The following ZNF334 variants were observed in gnomAD, a reference collection of about 807,000 sequenced individuals.
ZNF334 encodes zinc finger protein 334.
Under a neutral mutation model 12.4 loss-of-function variants are expected in ZNF334, and 14 were observed. The observed-to-expected ratio is 1.13, with a 90% CI of 0.74 to 1.76. The LOEUF (loss-of-function observed/expected upper bound fraction) is 1.76. Among genes scored for constraint, ZNF334 ranks in the 40% most tolerant of loss-of-function variants. The pLI is 0.00. For synonymous variants in ZNF334, 273 were observed against 269.6 expected (o/e 1.01, Z -0.12); for missense variants, 797 against 804.5 (o/e 0.99, Z 0.11).
rs1176032768 is a variant in ZNF334, at chr20:46,500,831, T to G, written c.*465A>C. 1.7e-5 allele frequency: 3 copies of G among 180,478 alleles called. No individual in the cohort carries two copies. In the East Asian group the frequency reaches 4.3e-4, roughly 26 times the overall value. 11.2% of individuals were successfully genotyped at this position (180,478 alleles called of 1,614,324 possible). On this transcript the variant is annotated 3_prime_UTR_variant, in exon 5 of 5. Coordinates refer to ENST00000692313, the MANE Select transcript of ZNF334 (RefSeq NM_001353824.2). ...GGTATACAGTCCACTACTAGAAGAC[T>G]ATGGAGTTAGCAGACAACAAAAAAT...
In ZNF334 at chr20:46,504,670, T is replaced by A. The variant is rs768421358; in HGVS notation, c.92A>T (p.Gln31Leu). Residue 31 changes from glutamine to leucine, a missense_variant, in exon 3 of 5, where the codon CAG becomes CTG. By Grantham distance (113) the Gln-to-Leu change is moderately radical (BLOSUM62 -2). Transcript: ENST00000692313. Reference protein sequence around the residue: ...QEEWQQLDPAQRLLYRDVMLE... With the variant: ...QEEWQQLDPALRLLYRDVMLE... ...CATCACATCCCTGTACAGGAGCCTCTGAGCAGGGTCCAGTTGCTGCCATTC... is the reference window on the plus strand; with the variant it reads ...CATCACATCCCTGTACAGGAGCCTCAGAGCAGGGTCCAGTTGCTGCCATTC... 6.2e-7 allele frequency: 1 copy of A among 1,612,710 alleles called. No individual in the cohort carries two copies.
rs1380649803 is a variant in ZNF334 at position 46,512,721 on chromosome 20, C to T, written c.-220G>A. Reference sequence around the variant, plus strand: ...ACGTAAATGTGGTAGATGACAAAAGCCCTGACCTGGTACTCAAAGGACCAG... The same window carrying T: ...ACGTAAATGTGGTAGATGACAAAAGTCCTGACCTGGTACTCAAAGGACCAG... On this transcript the variant is annotated 5_prime_UTR_variant, in exon 1 of 5. Transcript: ENST00000692313. 6.6e-6 allele frequency: 1 copy of T among 152,222 alleles called. No individual in the cohort carries two copies. The highest frequency in any genetic ancestry group is 1.5e-5 in the Non-Finnish European group (1 of 68,070). The allele number at this position is 152,222 out of a possible 1,614,324, so 9.4% of individuals were successfully genotyped here.
intron 2 of ZNF334, chr20:46,506,468 A>C (rs968533571): frequency 2.5e-6 from 1 of 407,210 alleles, no homozygotes; most frequent in African/African-American, 2.1e-5. Context: ...TCTACAAAAA[A>C]ATAAAAAAAA....
At chr20:46,506,162 G>A (rs2061423362) in intron 2 of ZNF334, 1 of 397,370 alleles carries the variant, frequency 2.5e-6, no homozygotes, top group African/African-American at 2.1e-5. Context: ...CTAGCTGGCA[G>A]TTTGATATAT....
the ZNF334 span, among the ~76,000 whole-genome samples, chr20:46,482,943 T>C: frequency 1.3e-5 from 2 of 152,176 alleles, no homozygotes; most frequent in Admixed American, 1.3e-4. Flanking sequence ...CCATGAAGTC[T>C]CTACATATTC....
At chr20:46,465,668 T>C in the ZNF334 span, among the ~76,000 whole-genome samples, 1 of 152,292 alleles carries the variant, frequency 6.6e-6, no homozygotes, top group East Asian at 1.9e-4. Flanking sequence ...AAGGCTGTAG[T>C]GAGCTATGAT....
At chr20:46,471,878 T>G in the ZNF334 span, among the ~76,000 whole-genome samples, 1 of 152,230 alleles carries the variant, frequency 6.6e-6, no homozygotes. Flanking sequence ...TTAACTTTGT[T>G]CTTCAAGATT....
Position 46,501,348 on chromosome 20 carries a change from G to A in ZNF334, c.1991C>T (p.Thr664Ile). The change falls in exon 5 of 5, where the codon ACA (threonine) becomes ATA (isoleucine). Residue 664 changes from threonine to isoleucine, a missense_variant. Transcript: ENST00000692313. ...KPYECNKCEK[T>I]FRHKSNFLLH... is the part of the protein sequence containing the mutation. ...AAGAAAGTTTGATTTGTGGCGAAAT[G>A]TTTTCTCACATTTGTTACATTCATA... 1 of 1,612,902 alleles carries A rather than the reference G, an allele frequency of 6.2e-7. No homozygotes were observed. The highest frequency in any genetic ancestry group is 8.5e-7 in the Non-Finnish European group (1 of 1,179,132).
chr20:46,472,588 G>A, the ZNF334 span, among the ~76,000 whole-genome samples: 4 of 152,152 alleles, frequency 2.6e-5, no homozygotes, highest in Admixed American at 2.0e-4. Context: ...ACTCTAGGAC[G>A]GCCTAAATAG....
At chr20:46,474,799 C>T in the ZNF334 span, 1 of 152,198 alleles carries the variant, frequency 6.6e-6, no homozygotes, top group Admixed American at 6.5e-5. Context: ...TAATGTATTG[C>T]TCTTTGGGGG....
In ZNF334 at chr20:46,513,160, G is replaced by A. The variant is rs979379987; in HGVS notation, c.-659C>T. 1.3e-5 allele frequency: 2 copies of A among 152,228 alleles called. No homozygotes were observed. The highest frequency in any genetic ancestry group is 4.8e-5 in the African/African-American group (2 of 41,458). The allele number at this position is 152,228 out of a possible 1,614,324, so 9.4% of individuals were successfully genotyped here. ...GAGCTATAATAATCAATGGCTGCAA[G>A]ACTAAGTGCATCAGCAGAAGTTCTG... On this transcript the variant is annotated 5_prime_UTR_variant, in exon 1 of 5. Transcript: ENST00000692313.
the ZNF334 span, among the ~76,000 whole-genome samples, chr20:46,479,435 G>C: frequency 6.6e-6 from 1 of 152,048 alleles, no homozygotes; most frequent in South Asian, 2.1e-4. Flanking sequence ...GACACACCTC[G>C]TTATACCCTC....
Position 46,501,639 on chromosome 20 carries a change from G to C in ZNF334, c.1700C>G (p.Thr567Arg). ...SALTHHQRTH[T>R]GQRPYECNEC... ...ATTACACTCATAGGGTCTCTGTCCT[G>C]TGTGTGTTCTCTGATGGTGAGTCAG... The change falls in exon 5 of 5, where the codon ACA becomes AGA. Residue 567 changes from threonine (T) to arginine (R), a missense_variant. Physicochemically the swap from Thr to Arg is moderately conservative, Grantham distance 71. Transcript: ENST00000692313. 6 of 1,614,040 alleles carry C rather than the reference G, an allele frequency of 3.7e-6. No homozygotes were observed. Among genetic ancestry groups the C allele is most frequent in the Non-Finnish European group, 5.1e-6 (6 of 1,179,964 alleles).
chr20:46,487,856 C>T, the ZNF334 span, among the ~76,000 whole-genome samples: 1 of 152,142 alleles, frequency 6.6e-6, no homozygotes, highest in Non-Finnish European at 1.5e-5. Flanking sequence ...TTGATAATCT[C>T]CACCTTTTCG....
chr20:46,494,714 G>A (rs960897850), downstream of ZNF334, among the ~76,000 whole-genome samples: 2 of 152,094 alleles, frequency 1.3e-5, no homozygotes, highest in Non-Finnish European at 2.9e-5. Context: ...TCAAATACAC[G>A]AAGACTTTCC....
At position 46,501,871 on chromosome 20, in the gene ZNF334, C is replaced by A; in HGVS notation, c.1468G>T (p.Val490Leu). ...GAGATTCTACCACATTTATTAAACA[C>A]ACCATGTTTCTCTCCTGTGTGTGTT... ...QRTHTGEKHGVFNKCGRISIV... is the reference protein window; with the variant it reads ...QRTHTGEKHGLFNKCGRISIV... Residue 490 changes from valine (V) to leucine (L), a missense_variant, in exon 5 of 5, where the codon GTG becomes TTG. Transcript: ENST00000692313. 1 of 1,614,140 alleles carries A rather than the reference C, an allele frequency of 6.2e-7. No homozygotes were observed. Among genetic ancestry groups the A allele is most frequent in the Non-Finnish European group, 8.5e-7 (1 of 1,180,020 alleles).
At chr20:46,482,544 A>G in the ZNF334 span, among the ~76,000 whole-genome samples, 2 of 152,214 alleles carry the variant, frequency 1.3e-5, no homozygotes, top group African/African-American at 2.4e-5. Flanking sequence ...CTATCAATGT[A>G]TGATCTTTTT....
chr20:46,513,405 C>G lies in ZNF334; in HGVS notation c.-904G>C, dbSNP rs1440464101. 2.0e-5 allele frequency: 3 copies of G among 152,506 alleles called. No individual in the cohort carries two copies. Among genetic ancestry groups the G allele is most frequent in the Non-Finnish European group, 2.9e-5 (2 of 68,356 alleles). The allele number at this position is 152,506 out of a possible 1,614,324, so 9.4% of individuals were successfully genotyped here. A position where few individuals can be genotyped will look rare whatever the true frequency, so the allele number is the denominator to read the frequency against. ...AGACCCGAGGCCCGCTCCGCCCGGC[C>G]CCACCGTTCCCTCCGACGCCCGAGT... is the stretch of plus-strand genomic sequence containing the variant. On this transcript the variant is annotated 5_prime_UTR_variant, in exon 1 of 5. Transcript: ENST00000692313.
the ZNF334 span, among the ~76,000 whole-genome samples, chr20:46,478,714 T>C: frequency 1.3e-5 from 2 of 152,330 alleles, no homozygotes; most frequent in East Asian, 3.9e-4. Flanking sequence ...AATTTTATTT[T>C]TGGTTTACAT....
Sources: allele counts gnomAD v4.1 joint callset (sites outside exome capture counted in the v4.1 genomes callset), GRCh38; gene constraint gnomAD v4.1.1; transcripts MANE v1.5; gene names NCBI Gene and HGNC (gene_info 2026-07-23, HGNC 2026-07-21).